Variants in HS6ST3 observed in about 807,000 individuals in gnomAD.
HS6ST3 encodes the protein heparan-sulfate 6-O-sulfotransferase 3.
In HS6ST3, 12 loss-of-function variants were observed where a neutral mutation model predicts 36.7. The observed-to-expected ratio is 0.33, with a 90% CI of 0.21 to 0.53. The LOEUF is 0.53. Among genes scored for constraint, HS6ST3 ranks in the 20% least tolerant of loss-of-function variants. The pLI is 0.95. For synonymous variants in HS6ST3, 240 were observed against 257.5 expected (o/e 0.93, Z 0.65); for missense variants, 584 against 640.9 (o/e 0.91, Z 0.96).
Position 96,183,499 on chromosome 13 carries a change from A to G in HS6ST3, c.707+91930A>G, listed in dbSNP as rs1301148784. 5.9e-5 allele frequency among the ~76,000 whole-genome samples: 9 copies of G among 152,142 alleles called. No individual in the cohort carries two copies. The East Asian group carries it at 1.7e-3, about 29-fold the overall frequency. On this transcript the variant is annotated intron_variant, in intron 1 of 1. Transcript: ENST00000376705. ...ACCCCCTTCTAATTATAACCCTATC[A>G]TAAAACATCTACTCTTTCCCTTTCA...
intron 1 of HS6ST3, among the ~76,000 whole-genome samples, chr13:96,363,168 G>A (rs1335482786): frequency 6.6e-6 from 1 of 152,032 alleles, no homozygotes; most frequent in Non-Finnish European, 1.5e-5. Flanking sequence ...ACGAGTGCTT[G>A]CAAATCTAAA....
chr13:96,460,472 G>T (rs1475966017), intron 1 of HS6ST3, among the ~76,000 whole-genome samples: 9 of 152,068 alleles, frequency 5.9e-5, no homozygotes, highest in Admixed American at 5.9e-4. Context: ...GTAATGTTTG[G>T]TACATATATT....
intron 1 of HS6ST3, among the ~76,000 whole-genome samples, chr13:96,423,007 A>G (rs1022898): frequency 0.34 from 51,833 of 152,006 alleles, 9,001 homozygotes; most frequent in South Asian, 0.45. Context: ...AAATAAATAT[A>G]TAATTGAAAT....
At chr13:96,434,015 C>G (rs890913684) in intron 1 of HS6ST3, among the ~76,000 whole-genome samples, 1 of 152,122 alleles carries the variant, frequency 6.6e-6, no homozygotes, top group African/African-American at 2.4e-5. Flanking sequence ...TGAGAACAGA[C>G]TAATACAAGG....
At chr13:96,569,543 C>A (rs2056293657) in intron 1 of HS6ST3, among the ~76,000 whole-genome samples, 1 of 152,024 alleles carries the variant, frequency 6.6e-6, no homozygotes, top group Non-Finnish European at 1.5e-5. Context: ...TTACTAGAGG[C>A]TGGAAGGATA....
At chr13:96,522,947 T>C (rs2138928697) in intron 1 of HS6ST3, among the ~76,000 whole-genome samples, 1 of 152,358 alleles carries the variant, frequency 6.6e-6, no homozygotes, top group East Asian at 1.9e-4. Context: ...ATGCAGTTTC[T>C]TCTTAGCCTC....
chr13:96,136,430 C>G (rs971617026), intron 1 of HS6ST3, among the ~76,000 whole-genome samples: 6 of 151,902 alleles, frequency 3.9e-5, no homozygotes, highest in Non-Finnish European at 5.9e-5. Context: ...ATGGTAGGAC[C>G]AGGACCAAGA....
chr13:96,775,326 A>G (rs189259925), intron 1 of HS6ST3, among the ~76,000 whole-genome samples: 388 of 152,246 alleles, frequency 2.5e-3, no homozygotes, highest in Middle Eastern at 0.01. Flanking sequence ...GAATGCCCAC[A>G]TAACAATATT....
At chr13:96,201,662 T>C (rs531066266) in intron 1 of HS6ST3, among the ~76,000 whole-genome samples, 8 of 152,300 alleles carry the variant, frequency 5.3e-5, no homozygotes, top group African/African-American at 1.7e-4. Flanking sequence ...AGCTGAAGAT[T>C]CTCTGTATCC....
chr13:96,676,049 C>T (rs758158544), intron 1 of HS6ST3, among the ~76,000 whole-genome samples: 46 of 152,126 alleles, frequency 3.0e-4, no homozygotes, highest in Non-Finnish European at 5.6e-4. Context: ...CACCCGTGCA[C>T]AGGCAGCCCA....
At chr13:96,245,790 G>C (rs2054582291) in intron 1 of HS6ST3, among the ~76,000 whole-genome samples, 1 of 152,012 alleles carries the variant, frequency 6.6e-6, no homozygotes. Context: ...CTAGGTTTTT[G>C]GGTTTTTAGA....
At chr13:96,404,321 T>C (rs1218129519) in intron 1 of HS6ST3, among the ~76,000 whole-genome samples, 1 of 152,186 alleles carries the variant, frequency 6.6e-6, no homozygotes, top group East Asian at 1.9e-4. Flanking sequence ...AGTGCAATAC[T>C]GTATGACCCA....
intron 1 of HS6ST3, among the ~76,000 whole-genome samples, chr13:96,382,914 T>C (rs553500276): frequency 2.6e-5 from 4 of 152,356 alleles, no homozygotes; most frequent in African/African-American, 7.2e-5. Context: ...TGAATACTTA[T>C]ATCAAAGAGA....
chr13:96,451,587 TA>T (rs1316108937), intron 1 of HS6ST3, among the ~76,000 whole-genome samples: 10 of 152,192 alleles, frequency 6.6e-5, no homozygotes, highest in African/African-American at 2.4e-4. Flanking sequence ...TATGCATGTC[TA>T]AAAATGATTA....
intron 1 of HS6ST3, among the ~76,000 whole-genome samples, chr13:96,691,546 A>G (rs1251169768): frequency 2.0e-5 from 3 of 151,990 alleles, no homozygotes; most frequent in Non-Finnish European, 2.9e-5. Flanking sequence ...GAAATCTCTG[A>G]TCAGTTCTTC....
chr13:96,781,017 T>G (rs1236558968), intron 1 of HS6ST3, among the ~76,000 whole-genome samples: 1 of 151,962 alleles, frequency 6.6e-6, no homozygotes, highest in East Asian at 1.9e-4. Context: ...AATTTACTGA[T>G]GTGGAAACTG....
intron 1 of HS6ST3, among the ~76,000 whole-genome samples, chr13:96,341,723 A>T (rs1013981148): frequency 6.6e-6 from 1 of 152,198 alleles, no homozygotes; most frequent in Non-Finnish European, 1.5e-5. Flanking sequence ...AGATGGAATT[A>T]AAACATTTTT....
At chr13:96,824,507 C>T (rs1458908076) in intron 1 of HS6ST3, among the ~76,000 whole-genome samples, 3 of 152,210 alleles carry the variant, frequency 2.0e-5, no homozygotes, top group Non-Finnish European at 4.4e-5. Context: ...TGTCAAAGGG[C>T]AGTCTGATTG....
chr13:96,686,024 T>C (rs1290635644), intron 1 of HS6ST3, among the ~76,000 whole-genome samples: 4 of 152,066 alleles, frequency 2.6e-5, no homozygotes, highest in Non-Finnish European at 5.9e-5. Context: ...TGTACAACTT[T>C]ACTTACCTAA....
Sources: allele counts gnomAD v4.1 joint callset (sites outside exome capture counted in the v4.1 genomes callset), GRCh38; gene constraint gnomAD v4.1.1; transcripts MANE v1.5; gene names NCBI Gene and HGNC (gene_info 2026-07-23, HGNC 2026-07-21).